MAGI1: variants seen among roughly 807,000 people sequenced by gnomAD.
The protein encoded by MAGI1 is membrane-associated guanylate kinase, WW and PDZ domain-containing protein 1.
A neutral mutation model predicts 139.9 loss-of-function variants in MAGI1; 58 were observed. The ratio of observed to expected loss-of-function variants is 0.41; its 90% CI spans 0.34 to 0.52. The LOEUF (loss-of-function observed/expected upper bound fraction) is 0.52. MAGI1 is among the 20% of genes least tolerant of loss of function. The pLI, the probability that MAGI1 is intolerant of heterozygous loss-of-function variation, is 0.12. For missense variants in MAGI1, 1,874 were observed against 1,901.6 expected (o/e 0.99, Z 0.27); for synonymous variants, 812 against 737.9 (o/e 1.10, Z -1.63).
At chr3:65,499,933 C>T (rs1221698253) in intron 2 of MAGI1, among the ~76,000 whole-genome samples, 1 of 152,094 alleles carries the variant, frequency 6.6e-6, no homozygotes, top group African/African-American at 2.4e-5. Context: ...ACTGTCTTGG[C>T]ATTTTATAAA....
intron 1 of MAGI1, among the ~76,000 whole-genome samples, chr3:65,842,576 G>A (rs2058845797): frequency 6.6e-6 from 1 of 152,112 alleles, no homozygotes; most frequent in African/African-American, 2.4e-5. Context: ...GGTCAGGCTG[G>A]TCTTGAACTA....
intron 13 of MAGI1, among the ~76,000 whole-genome samples, chr3:65,394,254 C>T (rs1944200746): frequency 6.6e-6 from 1 of 152,286 alleles, no homozygotes; most frequent in Middle Eastern, 3.4e-3. Flanking sequence ...CCCTTTCTCA[C>T]CTCCCCAATA....
chr3:65,794,044 T>C (rs548536707), intron 1 of MAGI1, among the ~76,000 whole-genome samples: 14 of 152,312 alleles, frequency 9.2e-5, no homozygotes, highest in African/African-American at 2.4e-4. Flanking sequence ...CTGTGATTTA[T>C]TGCGCTACCA....
intron 5 of MAGI1, among the ~76,000 whole-genome samples, chr3:65,454,347 C>T (rs1387641178): frequency 6.9e-6 from 1 of 144,900 alleles, no homozygotes; most frequent in African/African-American, 2.5e-5. Flanking sequence ...CACATGGACA[C>T]AGGAAGGGGA....
intron 1 of MAGI1, among the ~76,000 whole-genome samples, chr3:65,930,271 G>C (rs1322187739): frequency 2.9e-5 from 4 of 138,920 alleles, no homozygotes; most frequent in Admixed American, 1.6e-4. Context: ...AGCCGAGATA[G>C]CGCCACTGCA....
At chr3:65,824,640 A>G (rs1046130127) in intron 1 of MAGI1, among the ~76,000 whole-genome samples, 3 of 152,208 alleles carry the variant, frequency 2.0e-5, no homozygotes. Context: ...GAATTCATGA[A>G]TTGAACAAAG....
chr3:65,425,590 G>A (rs149743630), intron 12 of MAGI1, among the ~76,000 whole-genome samples: 1 of 152,224 alleles, frequency 6.6e-6, no homozygotes, highest in East Asian at 1.9e-4. Context: ...AGAAGCTTAC[G>A]GGCAGAGTTT....
At chr3:65,936,740 G>GGT (rs1175917393) in intron 1 of MAGI1, among the ~76,000 whole-genome samples, 1 of 152,050 alleles carries the variant, frequency 6.6e-6, no homozygotes, top group Admixed American at 6.6e-5. Context: ...GTATCTGTGT[G>GGT]GTGTGTGTGT....
intron 13 of MAGI1, among the ~76,000 whole-genome samples, chr3:65,393,583 G>A (rs556629476): frequency 6.6e-6 from 1 of 152,140 alleles, no homozygotes; most frequent in African/African-American, 2.4e-5. Context: ...ACCTCTGAAG[G>A]GGAAAGATAT....
chr3:65,686,207 T>C (rs1473810415), intron 1 of MAGI1, among the ~76,000 whole-genome samples: 1 of 152,184 alleles, frequency 6.6e-6, no homozygotes, highest in Admixed American at 6.5e-5. Flanking sequence ...TATGGCCTGT[T>C]CCCATTCATT....
intron 18 of MAGI1, among the ~76,000 whole-genome samples, chr3:65,370,797 G>C (rs1365172962): frequency 6.6e-6 from 1 of 152,124 alleles, no homozygotes; most frequent in Non-Finnish European, 1.5e-5. Context: ...TTGGACTACG[G>C]GTGCAAGCCA....
intron 1 of MAGI1, among the ~76,000 whole-genome samples, chr3:65,686,179 C>T (rs2088009785): frequency 6.6e-6 from 1 of 152,222 alleles, no homozygotes; most frequent in Admixed American, 6.5e-5. Flanking sequence ...GCAGTCATAT[C>T]ACACCTATGA....
intron 2 of MAGI1, among the ~76,000 whole-genome samples, chr3:65,504,195 T>C (rs963229172): frequency 6.6e-6 from 1 of 152,180 alleles, no homozygotes; most frequent in African/African-American, 2.4e-5. Context: ...TCAATGTCCT[T>C]ATCTGTAAAA....
chr3:65,794,839 A>G (rs1480451107), intron 1 of MAGI1, among the ~76,000 whole-genome samples: 1 of 127,608 alleles, frequency 7.8e-6, no homozygotes, highest in African/African-American at 2.8e-5. Flanking sequence ...ACAAACCCTC[A>G]TCAGGAAAAA....
intron 1 of MAGI1, among the ~76,000 whole-genome samples, chr3:65,983,947 G>C (rs958987164): frequency 1.3e-5 from 2 of 152,160 alleles, no homozygotes; most frequent in African/African-American, 4.8e-5. Context: ...CACCCAGGAA[G>C]TACTCATGTT....
chr3:66,038,462 C>A lies in MAGI1; in HGVS notation c.-154G>T, dbSNP rs916777923. The stretch of plus-strand genomic sequence containing the variant: ...CTTGGCAGCCTCGCTCCCCTGCACA[C>A]GCTCGCGCACTCAAGCCATCATAAA... On this transcript the variant is annotated 5_prime_UTR_variant, in exon 1 of 23. Coordinates refer to ENST00000402939, the MANE Select transcript of MAGI1 (RefSeq NM_001033057.2). 7 of 1,039,076 alleles carry A rather than the reference C, an allele frequency of 6.7e-6. No individual in the cohort carries two copies. Among genetic ancestry groups the A allele is most frequent in the African/African-American group, 1.6e-5 (1 of 61,666 alleles). 64.4% of individuals were successfully genotyped at this position (1,039,076 alleles called of 1,614,324 possible).
chr3:65,474,846 G>C (rs1431175592), intron 4 of MAGI1, among the ~76,000 whole-genome samples: 1 of 152,162 alleles, frequency 6.6e-6, no homozygotes, highest in East Asian at 1.9e-4. Flanking sequence ...CACTCAGGCT[G>C]TGGAATCAGA....
At chr3:65,470,261 T>C in intron 5 of MAGI1, 22 bp downstream of exon 5, 1 of 1,512,712 alleles carries the variant, frequency 6.6e-7, no homozygotes, top group African/African-American at 1.4e-5. Context: ...GAGATTTAGG[T>C]AGAAATAATG....
At chr3:65,750,854 C>T (rs931689) in intron 1 of MAGI1, among the ~76,000 whole-genome samples, 69,026 of 152,096 alleles carry the variant, frequency 0.45, 16,297 homozygotes, top group Admixed American at 0.54. Context: ...ACATACGAAA[C>T]ATAGTACTAC....
Sources: gnomAD v4.1 joint callset for allele counts (sites outside exome capture counted in the v4.1 genomes callset) on GRCh38, gnomAD v4.1.1 for gene constraint, MANE v1.5 for transcripts, NCBI Gene and HGNC (gene_info 2026-07-23, HGNC 2026-07-21) for gene names.